Variants in DHRS3 observed in about 807,000 individuals in gnomAD.
DHRS3 encodes the protein short-chain dehydrogenase/reductase 3.
A neutral mutation model predicts 27.2 loss-of-function variants in DHRS3; 14 were observed. The ratio of observed to expected loss-of-function variants is 0.52; its 90% CI spans 0.34 to 0.81. The LOEUF (loss-of-function observed/expected upper bound fraction) is 0.81. DHRS3 is among the 30% of genes least tolerant of loss of function. The pLI, the probability that DHRS3 is intolerant of heterozygous loss-of-function variation, is 0.01. For missense variants in DHRS3, 322 were observed against 406.2 expected, an observed-to-expected ratio of 0.79 and a Z score of 1.78; for synonymous variants, 165 against 175.9, an observed-to-expected ratio of 0.94 and a Z score of 0.49.
At chr1:12,600,141 A>G (rs1051890329) in intron 1 of DHRS3, among the ~76,000 whole-genome samples, 4 of 152,038 alleles carry the variant, frequency 2.6e-5, no homozygotes, top group Non-Finnish European at 5.9e-5. Context: ...TGACTCCTGA[A>G]CTCAAAATCT....
Position 12,578,421 on chromosome 1 carries a change from C to T in DHRS3, c.698+297G>A, listed in dbSNP as rs913402012. The stretch of plus-strand genomic sequence containing the variant: ...AACTTCCTGGGCTCAAGCAATTGAT[C>T]CTCCCACCTCAGCCTCCCAGATAGC... On this transcript the variant is annotated intron_variant, in intron 4 of 5. Coordinates refer to ENST00000616661, the MANE Select transcript of DHRS3 (RefSeq NM_004753.7). The surrounding 1 kb of genome is among the most constrained non-coding windows in gnomAD (Gnocchi z 4.5). Among the ~76,000 whole-genome samples the T allele has an allele frequency of 3.9e-5, 6 of 152,214 alleles. No individual in the cohort carries two copies. The highest frequency in any genetic ancestry group is 7.3e-5 in the Non-Finnish European group (5 of 68,034).
rs964631273 is a variant in DHRS3 at position 12,574,840 on chromosome 1, G to A, written c.699-1987C>T. Among the ~76,000 whole-genome samples the A allele has an allele frequency of 6.6e-6, 1 of 152,216 alleles. No homozygotes were observed. Among genetic ancestry groups the A allele is most frequent in the Non-Finnish European group, 1.5e-5 (1 of 68,038 alleles). ...TCCCATGGAAGCAGTGCAAATTCGT[G>A]GAAGAAGCATGCTTAGCTAGCCAGT... On this transcript the variant is annotated intron_variant, in intron 4 of 5. Transcript: ENST00000616661. This position sits in a 1 kb window ranked among gnomAD's most constrained non-coding sequence, Gnocchi z 4.6.
intron 1 of DHRS3, among the ~76,000 whole-genome samples, chr1:12,612,829 C>T (rs1411862025): frequency 1.3e-5 from 2 of 152,076 alleles, no homozygotes; most frequent in East Asian, 1.9e-4. Context: ...GAGGCTGAGG[C>T]AGGTGGATCA....
intron 1 of DHRS3, among the ~76,000 whole-genome samples, chr1:12,595,463 G>C (rs1039235851): frequency 6.7e-6 from 1 of 149,796 alleles, no homozygotes. Flanking sequence ...GGTGGGGATC[G>C]GGCTGGGATC....
In DHRS3 at chr1:12,578,006, C is replaced by A. The variant is rs1646605803; in HGVS notation, c.698+712G>T. ...CCTCCCTCCCAGGTTACACCCCCAGCCCTCCAGGGGAAGCCACGGGTCTGA... is the reference window on the plus strand; with the variant it reads ...CCTCCCTCCCAGGTTACACCCCCAGACCTCCAGGGGAAGCCACGGGTCTGA... On this transcript the variant is annotated intron_variant, in intron 4 of 5. Coordinates refer to ENST00000616661, the MANE Select transcript of DHRS3 (RefSeq NM_004753.7). The surrounding 1 kb of genome is among the most constrained non-coding windows in gnomAD (Gnocchi z 4.5). Among the ~76,000 whole-genome samples the A allele has an allele frequency of 6.6e-6, 1 of 152,200 alleles. No individual in the cohort carries two copies. The highest frequency in any genetic ancestry group is 1.5e-5 in the Non-Finnish European group (1 of 68,032).
In DHRS3 at chr1:12,578,597, G is replaced by A; in HGVS notation, c.698+121C>T. 1.0e-6 allele frequency: 1 copy of A among 976,478 alleles called. No homozygotes were observed. The highest frequency in any genetic ancestry group is 1.5e-5 in the South Asian group (1 of 65,992). The allele number at this position is 976,478 out of a possible 1,614,324, so 60.5% of individuals were successfully genotyped here. A position where few individuals can be genotyped will look rare whatever the true frequency, so the allele number is the denominator to read the frequency against. On this transcript the variant is annotated intron_variant, in intron 4 of 5. Coordinates refer to ENST00000616661, the MANE Select transcript of DHRS3 (RefSeq NM_004753.7). This position sits in a 1 kb window ranked among gnomAD's most constrained non-coding sequence, Gnocchi z 4.5. ...GCTTCCCAAAATGCTAGGATTATAG[G>A]TATGAGGCACCGTGCCTAGCCCGAT...
intron 1 of DHRS3, 102 bp from the exon 2 acceptor site, chr1:12,580,768 T>TA (rs1646637496): frequency 2.2e-6 from 3 of 1,380,588 alleles, no homozygotes; most frequent in Non-Finnish European, 3.0e-6. Flanking sequence ...TGTCTTGAAA[T>TA]GACTGGCCTC....
At chr1:12,589,545 C>T (rs1303592655) in intron 1 of DHRS3, among the ~76,000 whole-genome samples, 2 of 152,032 alleles carry the variant, frequency 1.3e-5, no homozygotes, top group Non-Finnish European at 2.9e-5. Context: ...TGCACCACCA[C>T]ACCCAGCTAA....
chr1:12,589,283 G>A (rs1194190272), intron 1 of DHRS3, among the ~76,000 whole-genome samples: 1 of 152,094 alleles, frequency 6.6e-6, no homozygotes, highest in Non-Finnish European at 1.5e-5. Context: ...ATGGGCTCTG[G>A]AGCCAGACTG....
chr1:12,585,350 TGA>T (rs1646687806), intron 1 of DHRS3, among the ~76,000 whole-genome samples: 2 of 150,540 alleles, frequency 1.3e-5, no homozygotes, highest in Non-Finnish European at 3.0e-5. Flanking sequence ...TGTCTCTGTG[TGA>T]GTGTGTGTCT....
chr1:12,572,098 G>T (rs1231859876), intron 5 of DHRS3, among the ~76,000 whole-genome samples: 1 of 152,064 alleles, frequency 6.6e-6, no homozygotes, highest in Non-Finnish European at 1.5e-5. Context: ...TAATGTAATG[G>T]GTTTGTTATA....
intron 1 of DHRS3, among the ~76,000 whole-genome samples, chr1:12,588,220 TG>T (rs1368031734): frequency 6.6e-6 from 1 of 152,032 alleles, no homozygotes; most frequent in Non-Finnish European, 1.5e-5. Context: ...GAAGCCTCCC[TG>T]GCTGCTCCTT....
intron 1 of DHRS3, among the ~76,000 whole-genome samples, chr1:12,581,730 A>G (rs3128449): frequency 0.32 from 49,097 of 151,940 alleles, 8,039 homozygotes; most frequent in Admixed American, 0.35. Flanking sequence ...CTGTTGGTAA[A>G]AGGGCCTGGA....
chr1:12,595,043 G>GAA (rs372695744), intron 1 of DHRS3, among the ~76,000 whole-genome samples: 23 of 152,276 alleles, frequency 1.5e-4, no homozygotes, highest in African/African-American at 4.8e-4. Context: ...TGCAGGAAGA[G>GAA]AATCCCAGGT....
intron 1 of DHRS3, among the ~76,000 whole-genome samples, chr1:12,616,294 G>A (rs2100733350): frequency 6.6e-6 from 1 of 152,226 alleles, no homozygotes; most frequent in South Asian, 2.1e-4. Context: ...TCTCCTGATG[G>A]CTCTGGTCAC....
intron 1 of DHRS3, among the ~76,000 whole-genome samples, chr1:12,610,544 T>A (rs1182068639): frequency 6.6e-6 from 1 of 152,204 alleles, no homozygotes; most frequent in East Asian, 1.9e-4. Flanking sequence ...AATGTATGAA[T>A]AAGTGAATAA....
intron 1 of DHRS3, chr1:12,600,273 A>C: frequency 7.4e-6 from 6 of 814,406 alleles, no homozygotes; most frequent in Non-Finnish European, 8.9e-6. Context: ...TTGAAGGCTC[A>C]GGAGATATCC....
At chr1:12,590,751 C>T (rs1646739035) in intron 1 of DHRS3, among the ~76,000 whole-genome samples, 1 of 152,224 alleles carries the variant, frequency 6.6e-6, no homozygotes, top group South Asian at 2.1e-4. Context: ...TGGGATCCCT[C>T]TAGCTGTCAC....
chr1:12,589,427 G>A (rs1217864241), intron 1 of DHRS3, among the ~76,000 whole-genome samples: 1 of 139,662 alleles, frequency 7.2e-6, no homozygotes, highest in African/African-American at 2.8e-5. Flanking sequence ...CTTGCTCTGT[G>A]GGCTAGGCTG....
Sources: allele counts gnomAD v4.1 joint callset (sites outside exome capture counted in the v4.1 genomes callset), GRCh38; gene constraint gnomAD v4.1.1; non-coding constraint Gnocchi (gnomAD v3.1); transcripts MANE v1.5; gene names NCBI Gene and HGNC (gene_info 2026-07-23, HGNC 2026-07-21).